The following STXBP5L variants were observed in gnomAD, a reference collection of about 807,000 sequenced individuals.
The protein encoded by STXBP5L is syntaxin-binding protein 5-like.
STXBP5L carries 65 observed loss-of-function variants against 144.5 expected under a neutral mutation model. That is an observed-to-expected ratio of 0.45 (90% confidence interval 0.37 to 0.55). STXBP5L has a LOEUF of 0.55. Ranked by LOEUF, STXBP5L falls within the 20% of genes least tolerant of loss-of-function variation. The pLI is 0.00. For missense variants in STXBP5L, 1,298 were observed against 1,405.5 expected (o/e 0.92, Z 1.22); for synonymous variants, 505 against 469.6 (o/e 1.08, Z -0.97).
intron 20 of STXBP5L, among the ~76,000 whole-genome samples, chr3:121,365,894 A>G (rs1560025078): frequency 6.6e-6 from 1 of 151,566 alleles, no homozygotes; most frequent in African/African-American, 2.4e-5. Context: ...TATTATAAGT[A>G]TTTATAGCTA....
At chr3:121,198,806 A>G (rs1278942094) in intron 9 of STXBP5L, among the ~76,000 whole-genome samples, 2 of 151,864 alleles carry the variant, frequency 1.3e-5, no homozygotes, top group East Asian at 1.9e-4. Flanking sequence ...GGTGTGTGGT[A>G]TTATTTCTGA....
intron 9 of STXBP5L, among the ~76,000 whole-genome samples, chr3:121,186,613 T>A (rs1317786775): frequency 6.6e-6 from 1 of 152,230 alleles, no homozygotes; most frequent in Non-Finnish European, 1.5e-5. Context: ...TTTTCATATG[T>A]TGAACCAGCC....
intron 3 of STXBP5L, among the ~76,000 whole-genome samples, chr3:120,960,624 T>G (rs1938661321): frequency 6.6e-6 from 1 of 151,970 alleles, no homozygotes; most frequent in Non-Finnish European, 1.5e-5. Context: ...ATGGATGAAG[T>G]TGGAAACCAT....
intron 20 of STXBP5L, among the ~76,000 whole-genome samples, chr3:121,350,032 T>G (rs1204347156): frequency 6.6e-6 from 1 of 152,168 alleles, no homozygotes; most frequent in Non-Finnish European, 1.5e-5. Flanking sequence ...GCTTGTTAGT[T>G]GATGCAGTTT....
At chr3:121,006,869 A>G (rs1019787294) in intron 3 of STXBP5L, among the ~76,000 whole-genome samples, 1 of 152,134 alleles carries the variant, frequency 6.6e-6, no homozygotes, top group Non-Finnish European at 1.5e-5. Context: ...AGAATGTTGA[A>G]TATTGGCCCC....
intron 20 of STXBP5L, chr3:121,357,163 C>A (rs1396996883): frequency 1.1e-5 from 2 of 184,318 alleles, no homozygotes; most frequent in South Asian, 1.3e-4. Context: ...ACTGACTGGG[C>A]TCCCAAGCAT....
chr3:121,162,763 A>C (rs2046368081), intron 9 of STXBP5L, among the ~76,000 whole-genome samples: 1 of 152,262 alleles, frequency 6.6e-6, no homozygotes, highest in South Asian at 2.1e-4. Context: ...TAGGCAAAGA[A>C]TATGAACAGA....
chr3:121,410,090 C>A (rs2047081232), intron 23 of STXBP5L, among the ~76,000 whole-genome samples: 1 of 151,526 alleles, frequency 6.6e-6, no homozygotes, highest in South Asian at 2.1e-4. Flanking sequence ...CTATCTAGTT[C>A]CCCCTTTCTC....
chr3:121,075,613 A>G (rs1471624934), intron 5 of STXBP5L, among the ~76,000 whole-genome samples: 1 of 152,246 alleles, frequency 6.6e-6, no homozygotes, highest in Non-Finnish European at 1.5e-5. Flanking sequence ...CCTCTGTGTC[A>G]AATGGCGTGT....
At chr3:121,398,111 G>C (rs1456424996) in intron 22 of STXBP5L, among the ~76,000 whole-genome samples, 1 of 152,140 alleles carries the variant, frequency 6.6e-6, no homozygotes, top group African/African-American at 2.4e-5. Context: ...GCACAATCAG[G>C]AGCTGTGCCA....
At chr3:121,197,978 T>C (rs578107456) in intron 9 of STXBP5L, among the ~76,000 whole-genome samples, 1 of 152,328 alleles carries the variant, frequency 6.6e-6, no homozygotes, top group Non-Finnish European at 1.5e-5. Flanking sequence ...GTCTTTATAG[T>C]AGAATTATTT....
intron 10 of STXBP5L, among the ~76,000 whole-genome samples, chr3:121,214,046 G>A (rs1203595412): frequency 6.6e-6 from 1 of 152,132 alleles, no homozygotes; most frequent in Non-Finnish European, 1.5e-5. Flanking sequence ...TGGGATCAGT[G>A]ATGATATCCC....
At chr3:121,105,842 TGTA>T (rs2043677922) in intron 5 of STXBP5L, among the ~76,000 whole-genome samples, 1 of 152,306 alleles carries the variant, frequency 6.6e-6, no homozygotes, top group South Asian at 2.1e-4. Flanking sequence ...AAATTCTGGT[TGTA>T]GTTTTTTGTA....
rs1457392197 is a variant in STXBP5L, at chr3:121,420,535, G to C, written c.*1438G>C. On this transcript the variant is annotated 3_prime_UTR_variant, in exon 27 of 27. Coordinates refer to ENST00000471454, the MANE Select transcript of STXBP5L (RefSeq NM_001308330.2). ...AAGGTATCTATAACTCACCAGAAAA[G>C]CACCAGAGTCAAAACCAAATAGAGA... 1 of 152,014 alleles carries C rather than the reference G, an allele frequency of 6.6e-6. No individual in the cohort carries two copies. The highest frequency in any genetic ancestry group is 1.5e-5 in the Non-Finnish European group (1 of 67,966). The allele number at this position is 152,014 out of a possible 1,614,324, so 9.4% of individuals were successfully genotyped here. A position where few individuals can be genotyped will look rare whatever the true frequency, so the allele number is the denominator to read the frequency against.
intron 19 of STXBP5L, among the ~76,000 whole-genome samples, chr3:121,309,383 A>G (rs934804212): frequency 6.6e-6 from 1 of 152,128 alleles, no homozygotes; most frequent in Non-Finnish European, 1.5e-5. Flanking sequence ...TTTAAAGCAA[A>G]CAGAATGTCA....
intron 9 of STXBP5L, among the ~76,000 whole-genome samples, chr3:121,163,013 C>A (rs188472754): frequency 3.3e-5 from 5 of 152,070 alleles, no homozygotes; most frequent in East Asian, 1.9e-4. Flanking sequence ...GACAGTCTGG[C>A]GATTCCTCAA....
chr3:120,959,602 T>C (rs1486474651), intron 3 of STXBP5L, among the ~76,000 whole-genome samples: 1 of 152,016 alleles, frequency 6.6e-6, no homozygotes, highest in Non-Finnish European at 1.5e-5. Context: ...ATGCCACACA[T>C]CTACAACCAT....
At chr3:121,167,648 G>A (rs529344972) in intron 9 of STXBP5L, among the ~76,000 whole-genome samples, 2 of 152,194 alleles carry the variant, frequency 1.3e-5, no homozygotes, top group South Asian at 2.1e-4. Context: ...TCTGGGCAGG[G>A]CATCTCTGAA....
intron 19 of STXBP5L, among the ~76,000 whole-genome samples, chr3:121,316,709 C>A (rs1301608767): frequency 6.6e-6 from 1 of 152,184 alleles, no homozygotes; most frequent in Non-Finnish European, 1.5e-5. Flanking sequence ...GCACAGTAGG[C>A]ATTCAATAAA....
Sources: allele counts gnomAD v4.1 joint callset (sites outside exome capture counted in the v4.1 genomes callset), GRCh38; gene constraint gnomAD v4.1.1; transcripts MANE v1.5; gene names NCBI Gene and HGNC (gene_info 2026-07-23, HGNC 2026-07-21).